The following GOLGA1 variants were observed in gnomAD, a reference collection of about 807,000 sequenced individuals.
GOLGA1 encodes the protein golgin A1.
GOLGA1 carries 63 observed loss-of-function variants against 119.7 expected under a neutral mutation model. The observed-to-expected ratio is 0.53, with a 90% CI of 0.43 to 0.65. The LOEUF is 0.65. Ranked by LOEUF, GOLGA1 falls within the 30% of genes least tolerant of loss-of-function variation. The probability of loss-of-function intolerance (pLI) is 0.00; values close to 1 mark genes in which losing one functional copy is unlikely to be tolerated. For missense variants in GOLGA1, 798 were observed against 912.8 expected (o/e 0.87, Z 1.62); for synonymous variants, 318 against 333.4 (o/e 0.95, Z 0.50).
At chr9:124,908,294 C>T (rs575988317) in intron 12 of GOLGA1, 83 bp downstream of exon 12, 1 of 785,994 alleles carries the variant, frequency 1.3e-6, no homozygotes, top group African/African-American at 1.7e-5. Context: ...AAACTCTGAC[C>T]AAGAAGATTC....
rs1470511801 is a variant in GOLGA1 at position 124,888,842 on chromosome 9, G to C, written c.1761+301C>G. Among the ~76,000 whole-genome samples the C allele has an allele frequency of 2.0e-5, 3 of 152,306 alleles. No homozygotes were observed. Among genetic ancestry groups the C allele is most frequent in the Admixed American group, 6.5e-5 (1 of 15,300 alleles). On this transcript the variant is annotated intron_variant, in intron 18 of 22. Coordinates refer to ENST00000373555, the MANE Select transcript of GOLGA1 (RefSeq NM_002077.4). This position sits in a 1 kb window ranked among gnomAD's most constrained non-coding sequence, Gnocchi z 4.4. ...AGCCTCCCGAGTAGCTGGGACTACA[G>C]GCACTCGCCACCACGCCTAGCTAAT... is the stretch of plus-strand genomic sequence containing the variant.
At chr9:124,883,372 G>A (rs1431107895) in intron 19 of GOLGA1, among the ~76,000 whole-genome samples, 3 of 151,898 alleles carry the variant, frequency 2.0e-5, no homozygotes, top group East Asian at 1.9e-4. Context: ...TGCAACCTCC[G>A]CCTCCTGGGT....
At chr9:124,891,685 C>T (rs916699539) in intron 15 of GOLGA1, among the ~76,000 whole-genome samples, 1 of 151,770 alleles carries the variant, frequency 6.6e-6, no homozygotes, top group African/African-American at 2.4e-5. Context: ...TCTCTTGTTT[C>T]CCAGGCTGGA....
At chr9:124,917,220 G>A (rs886224428) in intron 10 of GOLGA1, among the ~76,000 whole-genome samples, 2 of 152,118 alleles carry the variant, frequency 1.3e-5, no homozygotes, top group African/African-American at 4.8e-5. Context: ...GAATAGTGAA[G>A]GGCACAGAGG....
chr9:124,898,894 GAAAGATAAGAACTGC>G, intron 14 of GOLGA1, among the ~76,000 whole-genome samples: 1 of 152,150 alleles, frequency 6.6e-6, no homozygotes, highest in African/African-American at 2.4e-5. Context: ...GGTGTCTCTG[GAAAGATAAGAACTGC>G]TCTCGGCTGG....
At chr9:124,882,127 A>G (rs780312941) in intron 20 of GOLGA1, among the ~76,000 whole-genome samples, 173 bp from the exon 21 acceptor site, 35 of 152,182 alleles carry the variant, frequency 2.3e-4, no homozygotes, top group Non-Finnish European at 4.1e-4. Context: ...TCGTTTGGGT[A>G]AATTCAGACA....
rs1054197642 is a variant in GOLGA1 at position 124,879,004 on chromosome 9, G to A, written c.*1526C>T. On this transcript the variant is annotated 3_prime_UTR_variant, in exon 23 of 23. Coordinates refer to ENST00000373555, the MANE Select transcript of GOLGA1 (RefSeq NM_002077.4). ...GAGGAGGAGGTTAGTCACTGGAGAAGCGGCCTCTGGAAGGCAGAGAGCCTG... is the reference window on the plus strand; with the variant it reads ...GAGGAGGAGGTTAGTCACTGGAGAAACGGCCTCTGGAAGGCAGAGAGCCTG... The A allele has an allele frequency of 2.2e-4, 34 of 152,236 alleles. No homozygotes were observed. The highest frequency in any genetic ancestry group is 8.2e-4 in the African/African-American group (34 of 41,460). 9.4% of individuals were successfully genotyped at this position (152,236 alleles called of 1,614,324 possible).
chr9:124,881,703 AAG>A lies in GOLGA1; in HGVS notation c.2136+79_2136+80del, dbSNP rs139231269. The A allele has an allele frequency of 0.016, 14,565 of 916,652 alleles. 196 individuals are homozygous for A. Among genetic ancestry groups the A allele is most frequent in the Middle Eastern group, 0.074 (321 of 4,336 alleles). The allele number at this position is 916,652 out of a possible 1,614,324, so 56.8% of individuals were successfully genotyped here. A position where few individuals can be genotyped will look rare whatever the true frequency, so the allele number is the denominator to read the frequency against. ...CCAGGATGTACGAGGAAAAGAGAGA[AAG>A]GGGCTGGGCAGGGGTCCCTGCAGGA... On this transcript the variant is annotated intron_variant, in intron 21 of 22. Transcript: ENST00000373555. The surrounding 1 kb of genome is among the most constrained non-coding windows in gnomAD (Gnocchi z 4.9).
chr9:124,921,359 A>G (rs1461086115), intron 9 of GOLGA1, 119 bp from the exon 10 acceptor site: 2 of 693,254 alleles, frequency 2.9e-6, no homozygotes. Context: ...CATTAGCCAC[A>G]TGCAGGTTTT....
rs1036437250 is a variant in GOLGA1 at position 124,878,395 on chromosome 9, A to C, written c.*2135T>G. On this transcript the variant is annotated 3_prime_UTR_variant, in exon 23 of 23. Transcript: ENST00000373555. ...CATCTGGATTGAAGAGCTTTAATCA[A>C]AAAGTGTATTGCACCACAGATGAAT... The C allele has an allele frequency of 2.6e-5, 4 of 152,752 alleles. No individual in the cohort carries two copies. The highest frequency in any genetic ancestry group is 5.9e-5 in the Non-Finnish European group (4 of 68,042). The allele number at this position is 152,752 out of a possible 1,614,324, so 9.5% of individuals were successfully genotyped here. A position where few individuals can be genotyped will look rare whatever the true frequency, so the allele number is the denominator to read the frequency against.
chr9:124,909,107 C>T (rs1448830136), intron 11 of GOLGA1, among the ~76,000 whole-genome samples: 4 of 152,094 alleles, frequency 2.6e-5, no homozygotes, highest in East Asian at 3.9e-4. Flanking sequence ...GTCAGGAGTT[C>T]GAGACCAGCC....
At chr9:124,908,319 T>A in intron 12 of GOLGA1, 58 bp downstream of exon 12, 1 of 870,250 alleles carries the variant, frequency 1.1e-6, no homozygotes, top group Non-Finnish European at 2.0e-6. Context: ...TCACACCATG[T>A]TGCCATTCAG....
intron 19 of GOLGA1, among the ~76,000 whole-genome samples, chr9:124,885,792 C>T (rs1167886454): frequency 1.3e-5 from 2 of 152,040 alleles, no homozygotes; most frequent in African/African-American, 2.4e-5. Flanking sequence ...CAGGGCTTTG[C>T]GGGCCTCTGC....
Position 124,889,538 on chromosome 9 carries a change from T to C in GOLGA1, c.1498-2A>G. ...TATTATGGCTGTCAGGTTAGCTGCC[T>C]TGGAGAGAAAAATCAACAAGAGGGA... On this transcript the variant is annotated splice_acceptor_variant, in intron 16 of 22. Transcript: ENST00000373555. LOFTEE classifies it high-confidence loss of function. 1 of 1,604,208 alleles carries C rather than the reference T, an allele frequency of 6.2e-7. No individual in the cohort carries two copies. Among genetic ancestry groups the C allele is most frequent in the Non-Finnish European group, 8.5e-7 (1 of 1,170,924 alleles).
chr9:124,924,252 G>A (rs1830627078), intron 7 of GOLGA1, among the ~76,000 whole-genome samples: 1 of 151,972 alleles, frequency 6.6e-6, no homozygotes, highest in Non-Finnish European at 1.5e-5. Context: ...AATGCACGTA[G>A]ATTAAAAGTA....
chr9:124,922,185 G>A (rs1057176734), intron 8 of GOLGA1, among the ~76,000 whole-genome samples: 6 of 150,366 alleles, frequency 4.0e-5, no homozygotes, highest in African/African-American at 7.4e-5. Flanking sequence ...CCAAGATCGC[G>A]CCACTGCACT....
rs780840438 is a variant in GOLGA1 at position 124,921,756 on chromosome 9, A to G, written c.698T>C (p.Leu233Ser). 16 of 1,614,054 alleles carry G rather than the reference A, an allele frequency of 9.9e-6. No individual in the cohort carries two copies. The highest frequency in any genetic ancestry group is 1.3e-5 in the Non-Finnish European group (15 of 1,179,926). ...SSDLSQKLEE[L>S]QRHYSTLEEQ... Reference sequence around the variant, plus strand: ...TTCCAGCGTTGAGTAGTGTCTCTGCAATTCTTCTAGCTTCTGGCTTAAGTC... The same window carrying G: ...TTCCAGCGTTGAGTAGTGTCTCTGCGATTCTTCTAGCTTCTGGCTTAAGTC... The change falls in exon 9 of 23, where the codon TTG becomes TCG. Residue 233 changes from leucine to serine, a missense_variant. Leu to Ser is a moderately radical substitution (Grantham distance 145, BLOSUM62 -2). Transcript: ENST00000373555.
intron 12 of GOLGA1, among the ~76,000 whole-genome samples, chr9:124,907,845 A>G (rs1830264174): frequency 6.6e-6 from 1 of 152,354 alleles, no homozygotes; most frequent in South Asian, 2.1e-4. Context: ...ACGCTCATGC[A>G]TGCTGGAGGA....
chr9:124,886,060 G>A (rs1368390783), intron 19 of GOLGA1, among the ~76,000 whole-genome samples: 2 of 152,216 alleles, frequency 1.3e-5, no homozygotes, highest in South Asian at 2.1e-4. Context: ...GGCTTTTGCC[G>A]TCTACTGAGA....
Sources: allele counts gnomAD v4.1 joint callset (sites outside exome capture counted in the v4.1 genomes callset), GRCh38; gene constraint gnomAD v4.1.1; non-coding constraint Gnocchi (gnomAD v3.1); transcripts MANE v1.5; gene names NCBI Gene and HGNC (gene_info 2026-07-23, HGNC 2026-07-21).